Variants in SCRG1 observed in about 807,000 individuals in gnomAD.
The protein encoded by SCRG1 is stimulator of chondrogenesis 1.
SCRG1 carries 3 observed loss-of-function variants against 7.7 expected under a neutral mutation model. The ratio of observed to expected loss-of-function variants is 0.39; its 90% CI spans 0.18 to 1.01. SCRG1 has a LOEUF of 1.01. SCRG1 is among the 50% of genes least tolerant of loss of function. The pLI is 0.36. For synonymous variants in SCRG1, 46 were observed against 41.2 expected, an observed-to-expected ratio of 1.12 and a Z score of -0.44; for missense variants, 110 against 117.2, an observed-to-expected ratio of 0.94 and a Z score of 0.28.
chr4:173,467,829 T>TA, the SCRG1 span: 2 of 152,066 alleles, frequency 1.3e-5, no homozygotes, highest in Non-Finnish European at 2.9e-5. Flanking sequence ...TGAAATAATC[T>TA]AAAAAAACAA....
At chr4:173,508,445 G>C in the SCRG1 span, among the ~76,000 whole-genome samples, 79,752 of 151,866 alleles carry the variant, frequency 0.53, 23,690 homozygotes, top group Non-Finnish European at 0.68. The surrounding 1 kb of genome is among the most constrained non-coding windows in gnomAD (Gnocchi z 4.4). Flanking sequence ...CCGCCTCCCA[G>C]CACGCCCCAC....
chr4:173,441,344 C>T, the SCRG1 span, among the ~76,000 whole-genome samples: 7 of 152,254 alleles, frequency 4.6e-5, no homozygotes, highest in East Asian at 3.9e-4. Flanking sequence ...GTCTCCGTCA[C>T]GGCTCTAATC....
chr4:173,420,312 GT>G, the SCRG1 span, among the ~76,000 whole-genome samples: 1 of 152,118 alleles, frequency 6.6e-6, no homozygotes, highest in South Asian at 2.1e-4. Context: ...TACTTATAAT[GT>G]TTATAGTTTG....
chr4:173,408,850 G>A (rs969475050), upstream of SCRG1, among the ~76,000 whole-genome samples: 13 of 151,880 alleles, frequency 8.6e-5, no homozygotes, highest in Non-Finnish European at 1.3e-4. Flanking sequence ...AAAATTAGCC[G>A]GATGTGGTGG....
upstream of SCRG1, among the ~76,000 whole-genome samples, chr4:173,401,915 G>A (rs555680948): frequency 1.3e-5 from 2 of 152,310 alleles, no homozygotes; most frequent in Non-Finnish European, 2.9e-5. Flanking sequence ...TTTTGAGAAG[G>A]AGTTCAATTC....
chr4:173,491,625 T>C, the SCRG1 span, among the ~76,000 whole-genome samples: 137 of 152,142 alleles, frequency 9.0e-4, no homozygotes, highest in Admixed American at 3.3e-3. Flanking sequence ...GGTTCTAAGG[T>C]GGGGTTTAGA....
At position 173,391,329 on chromosome 4, in the gene SCRG1, T is replaced by C. The variant is rs142821638; in HGVS notation, c.86A>G (p.Tyr29Cys). The C allele has an allele frequency of 1.4e-4, 227 of 1,614,078 alleles. 1 individual carries two copies. Among genetic ancestry groups the C allele is most frequent in the Admixed American group, 7.3e-4 (44 of 60,006 alleles). The change falls in exon 2 of 3, where the codon TAC becomes TGC. Residue 29 changes from tyrosine (Y) to cysteine (C), a missense_variant. Transcript: ENST00000296506. ...QAMPANRLSCYRKILKDHNCH... is the reference protein window; with the variant it reads ...QAMPANRLSCCRKILKDHNCH... ...GTTGTGATCTTTTAGTATCTTTCTG[T>C]AGCAAGAGAGGCGATTTGCAGGCAT...
chr4:173,476,363 A>AAAAAATATATAT, the SCRG1 span, among the ~76,000 whole-genome samples: 2 of 98,482 alleles, frequency 2.0e-5, no homozygotes, highest in African/African-American at 3.1e-5. Context: ...GGAAAAAAAA[A>AAAAAATATATAT]ATATATATAT....
At chr4:173,515,064 C>T in the SCRG1 span, among the ~76,000 whole-genome samples, 62 of 152,130 alleles carry the variant, frequency 4.1e-4, no homozygotes, top group South Asian at 2.9e-3. This position sits in a 1 kb window ranked among gnomAD's most constrained non-coding sequence, Gnocchi z 4.6. Context: ...CACATAGTGA[C>T]CAGGAGAAAG....
chr4:173,483,831 A>T, the SCRG1 span, among the ~76,000 whole-genome samples: 3 of 15,464 alleles, frequency 1.9e-4, no homozygotes, highest in African/African-American at 4.2e-4. Flanking sequence ...TAATATATAT[A>T]ATATATAATA....
the SCRG1 span, among the ~76,000 whole-genome samples, chr4:173,514,795 G>A: frequency 6.6e-6 from 1 of 152,184 alleles, no homozygotes; most frequent in Admixed American, 6.5e-5. Flanking sequence ...AGCTTTTCCT[G>A]TTGCATAGTC....
the SCRG1 span, among the ~76,000 whole-genome samples, chr4:173,429,725 C>T: frequency 6.6e-6 from 1 of 152,292 alleles, no homozygotes; most frequent in East Asian, 1.9e-4. Context: ...CCTAAGAAGA[C>T]ATTTTCAATG....
At chr4:173,409,649 C>T (rs921184851), upstream of SCRG1, among the ~76,000 whole-genome samples, 2 of 144,654 alleles carry the variant, frequency 1.4e-5, no homozygotes, top group Non-Finnish European at 3.0e-5. Context: ...AGTGCAATAG[C>T]GCAATCTCAG....
chr4:173,502,389 T>C, the SCRG1 span, among the ~76,000 whole-genome samples: 3 of 152,120 alleles, frequency 2.0e-5, no homozygotes, highest in Non-Finnish European at 2.9e-5. This position sits in a 1 kb window ranked among gnomAD's most constrained non-coding sequence, Gnocchi z 4.6. Flanking sequence ...ATACCCGGTG[T>C]TGAGGTGTGA....
chr4:173,505,354 G>A, the SCRG1 span, among the ~76,000 whole-genome samples: 2 of 152,132 alleles, frequency 1.3e-5, no homozygotes, highest in African/African-American at 4.8e-5. The surrounding 1 kb of genome is among the most constrained non-coding windows in gnomAD (Gnocchi z 4.4). Flanking sequence ...GGGATGTGGG[G>A]TTCCTCTCCA....
At chr4:173,482,943 TATATA>T in the SCRG1 span, among the ~76,000 whole-genome samples, 2 of 135,878 alleles carry the variant, frequency 1.5e-5, no homozygotes, top group Non-Finnish European at 3.1e-5. Context: ...ATATATGAAA[TATATA>T]ATATATTGTA....
At chr4:173,476,363 A>AATATATATATATATATATATAT in the SCRG1 span, among the ~76,000 whole-genome samples, 13 of 98,442 alleles carry the variant, frequency 1.3e-4, no homozygotes, top group African/African-American at 3.4e-4. Context: ...GGAAAAAAAA[A>AATATATATATATATATATATAT]ATATATATAT....
At chr4:173,495,443 C>T in the SCRG1 span, among the ~76,000 whole-genome samples, 1 of 152,208 alleles carries the variant, frequency 6.6e-6, no homozygotes, top group Non-Finnish European at 1.5e-5. Context: ...TCCATGGATT[C>T]AGTCAAGAAC....
chr4:173,510,445 T>A, the SCRG1 span, among the ~76,000 whole-genome samples: 1 of 139,546 alleles, frequency 7.2e-6, no homozygotes, highest in African/African-American at 2.7e-5. This position sits in a 1 kb window ranked among gnomAD's most constrained non-coding sequence, Gnocchi z 5.7. Flanking sequence ...TATATATATA[T>A]AAATTAACGC....
Sources: allele counts gnomAD v4.1 joint callset (sites outside exome capture counted in the v4.1 genomes callset), GRCh38; gene constraint gnomAD v4.1.1; non-coding constraint Gnocchi (gnomAD v3.1); transcripts MANE v1.5; gene names NCBI Gene and HGNC (gene_info 2026-07-23, HGNC 2026-07-21).